Variants in ASIC2 observed in about 807,000 individuals in gnomAD.
The protein encoded by ASIC2 is acid-sensing ion channel 2.
A neutral mutation model predicts 57.3 loss-of-function variants in ASIC2; 25 were observed. The ratio of observed to expected loss-of-function variants is 0.44; its 90% CI spans 0.32 to 0.61. ASIC2 has a LOEUF of 0.61. ASIC2 is among the 20% of genes least tolerant of loss of function. ASIC2 has a pLI of 0.06. For missense variants in ASIC2, 641 were observed against 738.1 expected (o/e 0.87, Z 1.52); for synonymous variants, 319 against 307.5 (o/e 1.04, Z -0.39).
At position 33,476,547 on chromosome 17, in the gene ASIC2, GT is replaced by G. The variant is rs1567624923; in HGVS notation, c.556-364481del. On this transcript the variant is annotated intron_variant, in intron 1 of 9. Transcript: ENST00000359872. ...TATATATATATATATGTACAGGGGTGTGTGTGTGTGTGTGTGTGTGTGTGTG... is the reference window on the plus strand; with the variant it reads ...TATATATATATATATGTACAGGGGTGGTGTGTGTGTGTGTGTGTGTGTGTG... Among the ~76,000 whole-genome samples the G allele has an allele frequency of 6.3e-4, 56 of 89,526 alleles. 1 individual carries two copies. The highest frequency in any genetic ancestry group is 1.3e-3 in the South Asian group (3 of 2,252). 58.7% of individuals were successfully genotyped at this position (89,526 alleles called of 152,430 possible).
At chr17:33,312,040 T>A (rs1906447296) in intron 1 of ASIC2, among the ~76,000 whole-genome samples, 1 of 152,182 alleles carries the variant, frequency 6.6e-6, no homozygotes, top group Non-Finnish European at 1.5e-5. Flanking sequence ...GTCAAGCATA[T>A]AAAGACCTAG....
chr17:33,097,441 T>C (rs2141973647), intron 2 of ASIC2, among the ~76,000 whole-genome samples: 1 of 152,312 alleles, frequency 6.6e-6, no homozygotes, highest in Middle Eastern at 3.4e-3. Flanking sequence ...CCGGGGCCAT[T>C]GACTCACGGC....
At chr17:33,475,663 T>A (rs1252950714) in intron 1 of ASIC2, among the ~76,000 whole-genome samples, 1 of 152,218 alleles carries the variant, frequency 6.6e-6, no homozygotes. Flanking sequence ...GAACCCAAAA[T>A]TGCAGTAATT....
At chr17:33,992,506 G>A (rs992021289) in intron 1 of ASIC2, among the ~76,000 whole-genome samples, 2 of 152,162 alleles carry the variant, frequency 1.3e-5, no homozygotes, top group East Asian at 1.9e-4. Context: ...GTGCACACAT[G>A]TGTCTTTTCC....
intron 1 of ASIC2, among the ~76,000 whole-genome samples, chr17:33,859,156 A>G (rs1914040272): frequency 6.6e-6 from 1 of 152,232 alleles, no homozygotes; most frequent in Non-Finnish European, 1.5e-5. Flanking sequence ...GAAGCAAACT[A>G]GCTATAAAAA....
intron 1 of ASIC2, among the ~76,000 whole-genome samples, chr17:33,159,692 A>G (rs1905107624): frequency 6.6e-6 from 1 of 152,184 alleles, no homozygotes; most frequent in African/African-American, 2.4e-5. Flanking sequence ...TGGATCTTCC[A>G]ATATGGGGCT....
intron 1 of ASIC2, among the ~76,000 whole-genome samples, chr17:33,606,691 C>CATGAATGAATGA (rs766008841): frequency 6.6e-6 from 1 of 152,100 alleles, no homozygotes; most frequent in Non-Finnish European, 1.5e-5. Flanking sequence ...TTTACTGATT[C>CATGAATGAATGA]ATGAATGAAT....
chr17:33,492,324 C>T lies in ASIC2; in HGVS notation c.556-380257G>A, dbSNP rs575568209. Among the ~76,000 whole-genome samples, 3 of 152,330 alleles carry T rather than the reference C, an allele frequency of 2.0e-5. No individual in the cohort carries two copies. The East Asian group carries it at 5.8e-4, about 29-fold the overall frequency. On this transcript the variant is annotated intron_variant, in intron 1 of 9. Coordinates refer to the ASIC2 transcript ENST00000359872. ...TGAATTGGGTCCTGGTGCTGCTACT[C>T]ACAAGTTGTGGTGCCTTCATCAAGT...
At position 34,018,016 on chromosome 17, in the gene ASIC2, C is replaced by T. The variant is rs552767981; in HGVS notation, c.555+137962G>A. 6.6e-5 allele frequency among the ~76,000 whole-genome samples: 10 copies of T among 152,322 alleles called. No individual in the cohort carries two copies. The South Asian group carries it at 1.9e-3, about 28-fold the overall frequency. On this transcript the variant is annotated intron_variant, in intron 1 of 9. Coordinates refer to the ASIC2 transcript ENST00000359872. ...CAGTAGATTTTCTATGTAGATGGAACAGCCTTATATTGGAATAAGACACCA... is the reference window on the plus strand; with the variant it reads ...CAGTAGATTTTCTATGTAGATGGAATAGCCTTATATTGGAATAAGACACCA...
intron 1 of ASIC2, among the ~76,000 whole-genome samples, chr17:33,403,019 A>G (rs1479254310): frequency 1.3e-5 from 2 of 152,188 alleles, no homozygotes; most frequent in East Asian, 1.9e-4. Flanking sequence ...GGTGGGATCA[A>G]TCGTGACTTT....
chr17:33,362,972 A>G (rs1389076048), intron 1 of ASIC2, among the ~76,000 whole-genome samples: 1 of 152,246 alleles, frequency 6.6e-6, no homozygotes, highest in Non-Finnish European at 1.5e-5. Context: ...TTGAAGTCTG[A>G]TAAGAAAAAT....
At chr17:33,173,958 C>G (rs1905633885) in intron 1 of ASIC2, among the ~76,000 whole-genome samples, 1 of 152,150 alleles carries the variant, frequency 6.6e-6, no homozygotes, top group Non-Finnish European at 1.5e-5. Context: ...GCTCCATTAA[C>G]CTGGTGCCAT....
At chr17:33,465,555 G>T (rs151127385) in intron 1 of ASIC2, among the ~76,000 whole-genome samples, 10,519 of 151,962 alleles carry the variant, frequency 0.069, 457 homozygotes, top group Non-Finnish European at 0.097. Flanking sequence ...TGTATTTTTA[G>T]TAGATACAGA....
chr17:33,823,037 C>T (rs1458532205), intron 1 of ASIC2, among the ~76,000 whole-genome samples: 3 of 152,138 alleles, frequency 2.0e-5, no homozygotes, highest in South Asian at 2.1e-4. Flanking sequence ...ACAGGAGACC[C>T]GAGTTCAATT....
intron 1 of ASIC2, among the ~76,000 whole-genome samples, chr17:33,159,616 A>G (rs1040067826): frequency 6.6e-6 from 1 of 152,110 alleles, no homozygotes; most frequent in African/African-American, 2.4e-5. Context: ...CCCTTTCTCA[A>G]TGGAGGACTT....
At chr17:33,778,284 G>A (rs949270404) in intron 1 of ASIC2, among the ~76,000 whole-genome samples, 1 of 152,120 alleles carries the variant, frequency 6.6e-6, no homozygotes, top group Admixed American at 6.5e-5. Flanking sequence ...TATGGATGCT[G>A]AACACACTGG....
intron 1 of ASIC2, among the ~76,000 whole-genome samples, chr17:33,925,524 T>A (rs541984205): frequency 3.3e-5 from 5 of 152,350 alleles, no homozygotes; most frequent in African/African-American, 7.2e-5. Flanking sequence ...CTTCTCCCGA[T>A]AACTGTGGCC....
intron 1 of ASIC2, among the ~76,000 whole-genome samples, chr17:33,736,178 G>A (rs1279856347): frequency 6.6e-6 from 1 of 151,972 alleles, no homozygotes; most frequent in East Asian, 1.9e-4. Context: ...CTGGGCTGGG[G>A]CTATAAAGAG....
chr17:33,440,235 G>T (rs112673888), intron 1 of ASIC2, among the ~76,000 whole-genome samples: 6 of 152,294 alleles, frequency 3.9e-5, no homozygotes, highest in African/African-American at 1.4e-4. Flanking sequence ...CCATACACAT[G>T]AAAGTCTTTT....
Sources: allele counts gnomAD v4.1 joint callset (sites outside exome capture counted in the v4.1 genomes callset), GRCh38; gene constraint gnomAD v4.1.1; transcripts MANE v1.5; gene names NCBI Gene and HGNC (gene_info 2026-07-23, HGNC 2026-07-21).